BMP2K: variants seen among roughly 807,000 people sequenced by gnomAD.
The protein encoded by BMP2K is BMP-2-inducible protein kinase.
BMP2K carries 74 observed loss-of-function variants against 116.0 expected under a neutral mutation model. The ratio of observed to expected loss-of-function variants is 0.64; its 90% CI spans 0.53 to 0.77. BMP2K has a LOEUF of 0.77. Among genes scored for constraint, BMP2K ranks in the 30% least tolerant of loss-of-function variants. BMP2K has a pLI of 0.00. For missense variants in BMP2K, 1,365 were observed against 1,403.6 expected (o/e 0.97, Z 0.44); for synonymous variants, 486 against 502.5 (o/e 0.97, Z 0.44).
At chr4:78,856,053 G>A (rs570117280) in intron 7 of BMP2K, among the ~76,000 whole-genome samples, 30 of 152,174 alleles carry the variant, frequency 2.0e-4, no homozygotes, top group African/African-American at 6.7e-4. Context: ...CCCCAAAAGC[G>A]TATTTTGTTA....
intron 1 of BMP2K, among the ~76,000 whole-genome samples, chr4:78,786,707 AC>A (rs1205913067): frequency 6.6e-6 from 1 of 152,072 alleles, no homozygotes; most frequent in Non-Finnish European, 1.5e-5. Flanking sequence ...TAAAATAGTT[AC>A]TTTTTTGTAA....
At chr4:78,848,516 G>T (rs1030656011) in intron 6 of BMP2K, among the ~76,000 whole-genome samples, 1 of 151,488 alleles carries the variant, frequency 6.6e-6, no homozygotes, top group African/African-American at 2.4e-5. Flanking sequence ...TACTTGAAAA[G>T]AGTATTTCAA....
At chr4:78,844,131 AC>A (rs1259059383) in intron 4 of BMP2K, among the ~76,000 whole-genome samples, 1 of 151,868 alleles carries the variant, frequency 6.6e-6, no homozygotes, top group African/African-American at 2.4e-5. Flanking sequence ...TTAGGTGCTT[AC>A]CATATTCCAG....
chr4:78,869,883 C>G lies in BMP2K; in HGVS notation c.1232-900C>G, dbSNP rs186858355. On this transcript the variant is annotated intron_variant, in intron 10 of 15. Coordinates refer to ENST00000502613, the MANE Select transcript of BMP2K (RefSeq NM_198892.2). ...TTAGAAATAGTTATAAAACTATTTT[C>G]ATAAAGCTGTTGTACTTAGGTCTGA... is the stretch of plus-strand genomic sequence containing the variant. Among the ~76,000 whole-genome samples the G allele has an allele frequency of 2.7e-3, 406 of 152,174 alleles. 1 individual carries two copies. The highest frequency in any genetic ancestry group is 4.8e-3 in the Non-Finnish European group (324 of 67,992).
At chr4:78,826,665 C>T (rs1363815905) in intron 2 of BMP2K, among the ~76,000 whole-genome samples, 1 of 152,152 alleles carries the variant, frequency 6.6e-6, no homozygotes, top group Non-Finnish European at 1.5e-5. Flanking sequence ...ATACTAAACT[C>T]TGCAGATGCT....
At chr4:78,897,652 A>AT (rs1733773305) in intron 15 of BMP2K, among the ~76,000 whole-genome samples, 5 of 152,078 alleles carry the variant, frequency 3.3e-5, no homozygotes, top group South Asian at 2.1e-4. Flanking sequence ...TTTTCATAGC[A>AT]TTTTTTATAG....
At chr4:78,881,795 A>C (rs1393273338) in intron 14 of BMP2K, among the ~76,000 whole-genome samples, 1 of 152,074 alleles carries the variant, frequency 6.6e-6, no homozygotes, top group African/African-American at 2.4e-5. Context: ...GAATTCTGAA[A>C]TAGTGGGTTC....
intron 3 of BMP2K, among the ~76,000 whole-genome samples, chr4:78,841,442 T>A (rs535216459): frequency 1.3e-5 from 2 of 152,342 alleles, no homozygotes; most frequent in African/African-American, 2.4e-5. Flanking sequence ...ATATATAACC[T>A]TCTCAGGGCT....
chr4:78,805,504 G>A (rs1054818460), intron 1 of BMP2K, among the ~76,000 whole-genome samples: 21 of 152,160 alleles, frequency 1.4e-4, no homozygotes, highest in African/African-American at 4.6e-4. Flanking sequence ...CTATGAGTGA[G>A]GAATGTCTGT....
At chr4:78,858,740 A>G (rs1331610278) in intron 7 of BMP2K, among the ~76,000 whole-genome samples, 2 of 151,738 alleles carry the variant, frequency 1.3e-5, no homozygotes, top group Admixed American at 1.3e-4. Context: ...TAAATTTTAC[A>G]TTTTAAGTAG....
intron 3 of BMP2K, among the ~76,000 whole-genome samples, chr4:78,838,231 C>T (rs1402811730): frequency 6.6e-6 from 1 of 152,186 alleles, no homozygotes; most frequent in African/African-American, 2.4e-5. Context: ...ACGAGAACAG[C>T]ACAGGAAAGA....
In BMP2K at chr4:78,873,996, G is replaced by A. The variant is rs151327079; in HGVS notation, c.1793+1198G>A. ...AGATCAAGACCATCCTAGCCAACAT[G>A]GTGAAACCTCATCTCTACTAAAAAT... On this transcript the variant is annotated intron_variant, in intron 13 of 15. Coordinates refer to ENST00000502613, the MANE Select transcript of BMP2K (RefSeq NM_198892.2). Among the ~76,000 whole-genome samples the A allele has an allele frequency of 4.5e-3, 685 of 152,182 alleles. 3 individuals carry two copies. Among genetic ancestry groups the A allele is most frequent in the African/African-American group, 0.016 (648 of 41,512 alleles).
intron 2 of BMP2K, among the ~76,000 whole-genome samples, chr4:78,832,828 C>G (rs1189121183): frequency 6.6e-6 from 1 of 151,902 alleles, no homozygotes; most frequent in Non-Finnish European, 1.5e-5. Context: ...AAATAATTCC[C>G]ATGTTCAGTG....
intron 1 of BMP2K, among the ~76,000 whole-genome samples, chr4:78,799,260 G>A (rs567511696): frequency 6.4e-4 from 94 of 147,562 alleles, no homozygotes; most frequent in African/African-American, 2.1e-3. Context: ...TTGATTGTCC[G>A]TTTTTTTTTT....
At chr4:78,789,672 C>T (rs930640831) in intron 1 of BMP2K, among the ~76,000 whole-genome samples, 8 of 152,128 alleles carry the variant, frequency 5.3e-5, no homozygotes, top group African/African-American at 1.4e-4. Context: ...TAAGATGTCA[C>T]GATTAATTTT....
At chr4:78,780,855 G>T (rs1420944232) in intron 1 of BMP2K, among the ~76,000 whole-genome samples, 1 of 152,160 alleles carries the variant, frequency 6.6e-6, no homozygotes, top group Non-Finnish European at 1.5e-5. Context: ...TATATGTGTC[G>T]TGAAGACAAT....
intron 15 of BMP2K, among the ~76,000 whole-genome samples, chr4:78,910,262 C>G (rs1411663221): frequency 6.6e-6 from 1 of 152,142 alleles, no homozygotes; most frequent in Non-Finnish European, 1.5e-5. Context: ...GAAATCTGAG[C>G]TTTCAGAATT....
intron 6 of BMP2K, among the ~76,000 whole-genome samples, chr4:78,847,540 A>T (rs1435901220): frequency 1.3e-5 from 2 of 151,662 alleles, no homozygotes; most frequent in African/African-American, 2.4e-5. Context: ...TAGATTATAT[A>T]TGAGTGTTAA....
intron 14 of BMP2K, 114 bp downstream of exon 14, chr4:78,879,005 G>C (rs527748552): frequency 6.7e-6 from 10 of 1,501,104 alleles, no homozygotes; most frequent in Non-Finnish European, 8.8e-6. Context: ...TTGTGCATTT[G>C]AGGGCAAAAT....
Sources: gnomAD v4.1 joint callset for allele counts (sites outside exome capture counted in the v4.1 genomes callset) on GRCh38, gnomAD v4.1.1 for gene constraint, MANE v1.5 for transcripts, NCBI Gene and HGNC (gene_info 2026-07-23, HGNC 2026-07-21) for gene names.